The following SLC20A2 variants were observed in gnomAD, a reference collection of about 807,000 sequenced individuals.
SLC20A2 encodes the protein solute carrier family 20 member 2, also known as sodium-dependent phosphate transporter 2.
A neutral mutation model predicts 61.0 loss-of-function variants in SLC20A2; 30 were observed. That is an observed-to-expected ratio of 0.49 (90% confidence interval 0.37 to 0.67). SLC20A2 has a LOEUF of 0.67. Among genes scored for constraint, SLC20A2 ranks in the 30% least tolerant of loss-of-function variants. The pLI is 0.00. For synonymous variants in SLC20A2, 351 were observed against 353.3 expected, an observed-to-expected ratio of 0.99 and a Z score of 0.07; for missense variants, 626 against 866.4, an observed-to-expected ratio of 0.72 and a Z score of 3.48.
Position 42,417,289 on chromosome 8 carries a change from C to T in SLC20A2, c.*514G>A, listed in dbSNP as rs915094451. The T allele has an allele frequency of 6.5e-6, 1 of 154,696 alleles. No individual in the cohort carries two copies. Among genetic ancestry groups the T allele is most frequent in the African/African-American group, 2.4e-5 (1 of 41,476 alleles). The allele number at this position is 154,696 out of a possible 1,614,324, so 9.6% of individuals were successfully genotyped here. A position where few individuals can be genotyped will look rare whatever the true frequency, so the allele number is the denominator to read the frequency against. On this transcript the variant is annotated 3_prime_UTR_variant, in exon 11 of 11. Transcript: ENST00000520262. Reference sequence around the variant, plus strand: ...CGTCCCGCTGTCATCCCACAGCACGCGACCTCTGCAGGGTCAGGTTGCCTG... The same window carrying T: ...CGTCCCGCTGTCATCCCACAGCACGTGACCTCTGCAGGGTCAGGTTGCCTG...
At chr8:42,535,256 T>G (rs1812629841) in intron 1 of SLC20A2, 1 of 152,170 alleles carries the variant, frequency 6.6e-6, no homozygotes, top group Non-Finnish European at 1.5e-5. Context: ...ATAAGCCTGA[T>G]GTACTGGTCT....
At chr8:42,478,555 G>C (rs750195474) in intron 1 of SLC20A2, among the ~76,000 whole-genome samples, 1 of 152,060 alleles carries the variant, frequency 6.6e-6, no homozygotes, top group East Asian at 1.9e-4. Flanking sequence ...CTTGCCACAC[G>C]ACCCAGCAGC....
chr8:42,500,654 C>G (rs1810258065), intron 1 of SLC20A2, among the ~76,000 whole-genome samples: 1 of 152,248 alleles, frequency 6.6e-6, no homozygotes, highest in Non-Finnish European at 1.5e-5. Flanking sequence ...CAGGAATTAA[C>G]TTTCAACATT....
intron 2 of SLC20A2, among the ~76,000 whole-genome samples, chr8:42,471,437 C>T (rs1319184945): frequency 6.6e-6 from 1 of 152,198 alleles, no homozygotes; most frequent in East Asian, 1.9e-4. Context: ...GTCATGCTAT[C>T]ACCAGGCAAC....
At position 42,465,784 on chromosome 8, in the gene SLC20A2, G is replaced by T. The variant is rs1212132603; in HGVS notation, c.423C>A (p.Val141=). The T allele has an allele frequency of 6.3e-7, 1 of 1,595,786 alleles. No homozygotes were observed. Among genetic ancestry groups the T allele is most frequent in the Admixed American group, 1.8e-5 (1 of 56,214 alleles). Reference sequence around the variant, plus strand: ...AAAGAAAATGCCAATTACCAATCTTGACAAGCTCCATCCACTGCACACCTT... The same window carrying T: ...AAAGAAAATGCCAATTACCAATCTTTACAAGCTCCATCCACTGCACACCTT... The part of the protein sequence containing the change: ...GTKGVQWMEL[V]KIVASWFISP... The change falls in exon 3 of 11, where the codon GTC becomes GTA. Residue 141 remains valine, a synonymous_variant. Transcript: ENST00000520262.
chr8:42,472,179 C>T lies in SLC20A2; in HGVS notation c.212G>A (p.Arg71His), dbSNP rs1807694247. 3 of 1,613,984 alleles carry T rather than the reference C, an allele frequency of 1.9e-6. No individual in the cohort carries two copies. Among genetic ancestry groups the T allele is most frequent in the Non-Finnish European group, 2.5e-6 (3 of 1,180,030 alleles). ...CAGGTTCACGTCAATGATACCTTTGCGAATGGTTTCTCCTACTTTGGCGCC... is the reference window on the plus strand; with the variant it reads ...CAGGTTCACGTCAATGATACCTTTGTGAATGGTTTCTCCTACTTTGGCGCC... The part of the protein sequence containing the change: ...LLGAKVGETI[R>H]KGIIDVNLYN... Residue 71 changes from arginine to histidine, a missense_variant, in exon 2 of 11, where the codon CGC (arginine) becomes CAC (histidine). Physicochemically the swap from Arg to His is conservative, Grantham distance 29. Coordinates refer to ENST00000520262, the MANE Select transcript of SLC20A2 (RefSeq NM_001257180.2). This position sits in a 1 kb window ranked among gnomAD's most constrained non-coding sequence, Gnocchi z 4.1.
intron 4 of SLC20A2, among the ~76,000 whole-genome samples, chr8:42,462,295 T>G (rs1806772627): frequency 6.6e-6 from 1 of 152,054 alleles, no homozygotes; most frequent in Non-Finnish European, 1.5e-5. Context: ...TCCGAGAGAA[T>G]GGACCCTTCA....
At chr8:42,461,773 C>T (rs577931899) in intron 4 of SLC20A2, among the ~76,000 whole-genome samples, 4 of 152,234 alleles carry the variant, frequency 2.6e-5, no homozygotes, top group Admixed American at 2.0e-4. Flanking sequence ...TTCTTCCCTC[C>T]ACTTTCTTTC....
intron 1 of SLC20A2, among the ~76,000 whole-genome samples, chr8:42,524,072 T>C (rs1811763872): frequency 6.6e-6 from 1 of 152,220 alleles, no homozygotes; most frequent in Non-Finnish European, 1.5e-5. Context: ...TGATAAAAGC[T>C]GTAACCCAGG....
At chr8:42,471,200 AC>A (rs1807611254) in intron 2 of SLC20A2, 2 of 456,054 alleles carry the variant, frequency 4.4e-6, no homozygotes, top group Non-Finnish European at 8.8e-6. Context: ...CGTCATCTCT[AC>A]CTAGAGGCAA....
rs1803743589 is a variant in SLC20A2, at chr8:42,430,236, G to A, written c.1537C>T (p.Pro513Ser). The A allele has an allele frequency of 1.9e-6, 3 of 1,611,376 alleles. No homozygotes were observed. The highest frequency in any genetic ancestry group is 2.5e-6 in the Non-Finnish European group (3 of 1,179,214). ...GGNDVSNAIG[P>S]LVALWLIYKQ... ...TAAATCAGCCACAAGGCTACCAGGG[G>A]ACCGATGGCATTACTGGGAAAAATA... Residue 513 changes from proline (P) to serine (S), a missense_variant, in exon 9 of 11, where the codon CCC becomes TCC. Around this residue, in one of 3 missense-constraint regions of SLC20A2, gnomAD observed 138 missense variants for 228.7 expected, o/e 0.60. Transcript: ENST00000520262.
At chr8:42,431,814 AACAACAAAGC>A (rs1316515220) in intron 8 of SLC20A2, among the ~76,000 whole-genome samples, 1 of 152,226 alleles carries the variant, frequency 6.6e-6, no homozygotes, top group African/African-American at 2.4e-5. Context: ...CTAGAAATGG[AACAACAAAGC>A]ACATCTGTTT....
chr8:42,476,438 T>C (rs1808112716), intron 1 of SLC20A2, among the ~76,000 whole-genome samples: 1 of 152,104 alleles, frequency 6.6e-6, no homozygotes, highest in Admixed American at 6.6e-5. Context: ...TCCCTTGCTG[T>C]GCACCTTGAA....
intron 1 of SLC20A2, among the ~76,000 whole-genome samples, chr8:42,517,519 A>C (rs1175653015): frequency 6.6e-6 from 1 of 152,180 alleles, no homozygotes. Flanking sequence ...ATCTGCAGCA[A>C]GAGCCCCTTT....
At chr8:42,462,264 G>A (rs954843294) in intron 4 of SLC20A2, among the ~76,000 whole-genome samples, 3 of 152,146 alleles carry the variant, frequency 2.0e-5, no homozygotes, top group Non-Finnish European at 4.4e-5. Context: ...GGTGAGAAAC[G>A]GTGAGGGCAA....
chr8:42,471,274 G>A, intron 2 of SLC20A2: 1 of 455,240 alleles, frequency 2.2e-6, no homozygotes, highest in Admixed American at 2.4e-5. Context: ...CTTTTCTGTC[G>A]TAGCGAGGGC....
At position 42,472,322 on chromosome 8, in the gene SLC20A2, A is replaced by G. The variant is rs556568855; in HGVS notation, c.69T>C (p.Ser23=). 1 of 1,614,268 alleles carries G rather than the reference A, an allele frequency of 6.2e-7. No homozygotes were observed. Among genetic ancestry groups the G allele is most frequent in the African/African-American group, 1.3e-5 (1 of 75,072 alleles). ...AGTTGGCAACATCGTTTGCACCAACAGAAAAGGCCAAGATGAAAGCTATGA... is the reference window on the plus strand; with the variant it reads ...AGTTGGCAACATCGTTTGCACCAACGGAAAAGGCCAAGATGAAAGCTATGA... The part of the protein sequence containing the change: ...GFIIAFILAF[S]VGANDVANSF... The change falls in exon 2 of 11, where the codon TCT becomes TCC. Residue 23 remains serine, a synonymous_variant. Transcript: ENST00000520262. This position sits in a 1 kb window ranked among gnomAD's most constrained non-coding sequence, Gnocchi z 4.1.
chr8:42,488,059 G>A (rs1466253802), intron 1 of SLC20A2, among the ~76,000 whole-genome samples: 2 of 151,930 alleles, frequency 1.3e-5, no homozygotes, highest in Non-Finnish European at 2.9e-5. Context: ...CATGTATGAG[G>A]ATTTCCTTCC....
At chr8:42,499,707 T>C (rs182532660) in intron 1 of SLC20A2, among the ~76,000 whole-genome samples, 6 of 152,286 alleles carry the variant, frequency 3.9e-5, no homozygotes, top group Admixed American at 3.9e-4. Context: ...TAAGAAGTAA[T>C]AGCAATAAGT....
Sources: allele counts gnomAD v4.1 joint callset (sites outside exome capture counted in the v4.1 genomes callset), GRCh38; gene constraint gnomAD v4.1.1; regional missense constraint gnomAD v4.1.1; non-coding constraint Gnocchi (gnomAD v3.1); transcripts MANE v1.5; gene names NCBI Gene and HGNC (gene_info 2026-07-23, HGNC 2026-07-21).